ZNF536: variants seen among roughly 807,000 people sequenced by gnomAD.
The protein encoded by ZNF536 is zinc finger protein 536.
ZNF536 carries 13 observed loss-of-function variants against 84.5 expected under a neutral mutation model. The observed-to-expected ratio is 0.15, with a 90% CI of 0.10 to 0.24. The LOEUF (loss-of-function observed/expected upper bound fraction) is 0.24, where lower values mean the gene tolerates loss of function less well. ZNF536 is among the 10% of genes least tolerant of loss of function. The pLI is 1.00. For missense variants in ZNF536, 1,536 were observed against 1,747.5 expected (o/e 0.88, Z 2.16); for synonymous variants, 811 against 742.5 (o/e 1.09, Z -1.50).
chr19:30,418,681 GTGTCTATGATGA>G (rs2050832921), intron 1 of ZNF536, among the ~76,000 whole-genome samples: 1 of 152,164 alleles, frequency 6.6e-6, no homozygotes, highest in Non-Finnish European at 1.5e-5. Flanking sequence ...GGTTGGAAGG[GTGTCTATGATGA>G]TGTGCCCGTC....
chr19:30,634,789 G>A (rs1011997797), intron 1 of ZNF536, among the ~76,000 whole-genome samples: 17 of 152,064 alleles, frequency 1.1e-4, no homozygotes, highest in African/African-American at 3.1e-4. Flanking sequence ...AGTGCAGCTC[G>A]TTATGGCTGC....
chr19:30,520,911 C>T (rs763382427), intron 2 of ZNF536, among the ~76,000 whole-genome samples: 18 of 152,178 alleles, frequency 1.2e-4, no homozygotes, highest in Non-Finnish European at 2.4e-4. Flanking sequence ...ACACACAGCT[C>T]GGAAGTGGCC....
At chr19:30,598,664 G>A (rs1200242318) in intron 1 of ZNF536, among the ~76,000 whole-genome samples, 1 of 151,908 alleles carries the variant, frequency 6.6e-6, no homozygotes, top group Non-Finnish European at 1.5e-5. Flanking sequence ...GTTTTGATCT[G>A]GATAAACATG....
At chr19:30,452,195 C>G (rs190481968) in intron 2 of ZNF536, among the ~76,000 whole-genome samples, 7 of 152,350 alleles carry the variant, frequency 4.6e-5, no homozygotes, top group African/African-American at 1.7e-4. Context: ...ATGATGCCCA[C>G]TGTGTTATGT....
intron 1 of ZNF536, among the ~76,000 whole-genome samples, chr19:30,667,737 G>T (rs746485827): frequency 6.6e-6 from 1 of 151,264 alleles, no homozygotes; most frequent in African/African-American, 2.4e-5. Flanking sequence ...GGTTGTCTTG[G>T]ATATAGAGTA....
chr19:30,512,906 T>C (rs1266949583), intron 2 of ZNF536, among the ~76,000 whole-genome samples: 1 of 152,220 alleles, frequency 6.6e-6, no homozygotes, highest in Non-Finnish European at 1.5e-5. Context: ...GATGGCACTA[T>C]TCCAAATAAA....
chr19:30,539,209 T>C (rs1035679756), intron 3 of ZNF536, among the ~76,000 whole-genome samples: 9 of 152,172 alleles, frequency 5.9e-5, no homozygotes, highest in African/African-American at 2.2e-4. Context: ...ATCCAAGATC[T>C]GTAATTGGTG....
chr19:30,368,818 G>A (rs1009445372), upstream of ZNF536, among the ~76,000 whole-genome samples: 1 of 152,214 alleles, frequency 6.6e-6, no homozygotes, highest in African/African-American at 2.4e-5. Flanking sequence ...TGGAGGCTGA[G>A]TCTTCAGCTG....
chr19:30,571,187 G>A (rs2046533226), intron 1 of ZNF536, among the ~76,000 whole-genome samples: 1 of 152,096 alleles, frequency 6.6e-6, no homozygotes, highest in African/African-American at 2.4e-5. Context: ...TGACAAAAGG[G>A]TCATTCCTGG....
intron 2 of ZNF536, among the ~76,000 whole-genome samples, chr19:30,523,257 G>A (rs945186782): frequency 1.4e-4 from 22 of 152,154 alleles, no homozygotes; most frequent in African/African-American, 4.6e-4. Flanking sequence ...CATATGACGC[G>A]TTGCTTTGGC....
At chr19:30,359,609 G>A (rs539673343) in intron 3 of ZNF536, among the ~76,000 whole-genome samples, 1 of 152,120 alleles carries the variant, frequency 6.6e-6, no homozygotes, top group African/African-American at 2.4e-5. Flanking sequence ...TGAGTTACAG[G>A]GTGCCCACCC....
chr19:30,515,242 C>T (rs2055586884), intron 2 of ZNF536, among the ~76,000 whole-genome samples: 1 of 151,858 alleles, frequency 6.6e-6, no homozygotes, highest in Admixed American at 6.6e-5. Flanking sequence ...AGCCTGGGCA[C>T]CAGAGTGAGA....
At chr19:30,461,596 T>C (rs1265814376) in intron 2 of ZNF536, among the ~76,000 whole-genome samples, 3 of 152,172 alleles carry the variant, frequency 2.0e-5, no homozygotes, top group Non-Finnish European at 4.4e-5. Flanking sequence ...GTCACACTTG[T>C]TCCCCTAGTG....
intron 1 of ZNF536, 75 bp from the exon 2 acceptor site, chr19:30,443,486 C>T (rs2148140421): frequency 6.7e-7 from 1 of 1,484,096 alleles, no homozygotes; most frequent in Non-Finnish European, 8.9e-7. Context: ...TGGAAATTCC[C>T]TGCCCGCCAA....
chr19:30,444,371 C>A lies in ZNF536; in HGVS notation c.809C>A (p.Pro270Gln). ...PASVQEDAVA[P>Q]AAGFRCTFCK... is the part of the protein sequence containing the mutation. ...AGCGTGCAGGAGGACGCGGTGGCCCCGGCGGCGGGCTTCCGCTGTACCTTC... is the reference window on the plus strand; with the variant it reads ...AGCGTGCAGGAGGACGCGGTGGCCCAGGCGGCGGGCTTCCGCTGTACCTTC... Residue 270 changes from proline (P) to glutamine (Q), a missense_variant, in exon 2 of 5, where the codon CCG becomes CAG. By Grantham distance (76) the Pro-to-Gln change is moderately conservative. Around this residue, in one of 8 missense-constraint regions of ZNF536, gnomAD observed 138 missense variants for 136.8 expected, o/e 1.01. Coordinates refer to ENST00000355537, the MANE Select transcript of ZNF536 (RefSeq NM_014717.3). 1.2e-6 allele frequency: 2 copies of A among 1,603,366 alleles called. No homozygotes were observed. Among genetic ancestry groups the A allele is most frequent in the Non-Finnish European group, 1.7e-6 (2 of 1,179,348 alleles).
intron 1 of ZNF536, among the ~76,000 whole-genome samples, chr19:30,701,191 TCACA>T (rs56314262): frequency 0.6 from 89,176 of 149,848 alleles, 26,759 homozygotes; most frequent in African/African-American, 0.67. Context: ...TATCTCACTC[TCACA>T]CACACACACA....
chr19:30,539,386 A>G (rs1358126191), intron 3 of ZNF536, among the ~76,000 whole-genome samples: 2 of 152,178 alleles, frequency 1.3e-5, no homozygotes, highest in Non-Finnish European at 2.9e-5. Context: ...GTGCACCCAC[A>G]TTGGAGAGGG....
chr19:30,250,204 C>T (rs556055732), intron 1 of ZNF536, among the ~76,000 whole-genome samples: 1 of 152,300 alleles, frequency 6.6e-6, no homozygotes, highest in East Asian at 1.9e-4. Context: ...GTTTACATTC[C>T]ACCATGGCAG....
intron 2 of ZNF536, among the ~76,000 whole-genome samples, chr19:30,344,700 T>G (rs1373940667): frequency 6.6e-6 from 1 of 151,962 alleles, no homozygotes; most frequent in Non-Finnish European, 1.5e-5. Context: ...GCTGGGCCCA[T>G]GGTGGCCTCG....
Sources: allele counts gnomAD v4.1 joint callset (sites outside exome capture counted in the v4.1 genomes callset), GRCh38; gene constraint gnomAD v4.1.1; regional missense constraint gnomAD v4.1.1; transcripts MANE v1.5; gene names NCBI Gene and HGNC (gene_info 2026-07-23, HGNC 2026-07-21).